CTNNA3: variants seen among roughly 807,000 people sequenced by gnomAD.
CTNNA3 encodes catenin alpha 3, also known as catenin alpha-3.
In CTNNA3, 76 loss-of-function variants were observed where a neutral mutation model predicts 95.7. The ratio of observed to expected loss-of-function variants is 0.79; its 90% CI spans 0.66 to 0.96. The LOEUF is 0.96. Among genes scored for constraint, CTNNA3 ranks in the 40% least tolerant of loss-of-function variants. CTNNA3 has a pLI of 0.00. For missense variants in CTNNA3, 1,191 were observed against 1,089.8 expected (o/e 1.09, Z -1.31); for synonymous variants, 431 against 374.4 (o/e 1.15, Z -1.74).
intron 7 of CTNNA3, among the ~76,000 whole-genome samples, chr10:66,845,703 C>CAAAAAAAAAAAAAACAAA (rs1843223437): frequency 4.2e-5 from 1 of 23,536 alleles, no homozygotes; most frequent in African/African-American, 1.0e-4. Flanking sequence ...AACTCTGTCT[C>CAAAAAAAAAAAAAACAAA]AAAAAAAAAA....
At chr10:66,926,401 G>C (rs1196611487) in intron 7 of CTNNA3, 1 of 684,838 alleles carries the variant, frequency 1.5e-6, no homozygotes, top group East Asian at 2.5e-5. Context: ...TGTTCTTGGA[G>C]TGTTCTGCGT....
At chr10:67,005,154 G>A (rs1434661135) in intron 7 of CTNNA3, among the ~76,000 whole-genome samples, 1 of 152,012 alleles carries the variant, frequency 6.6e-6, no homozygotes, top group African/African-American at 2.4e-5. Context: ...TTAAAAAGTG[G>A]TTTCTTGACA....
At chr10:67,176,633 G>T (rs1862254672) in intron 7 of CTNNA3, among the ~76,000 whole-genome samples, 6 of 152,208 alleles carry the variant, frequency 3.9e-5, no homozygotes, top group Admixed American at 3.9e-4. Flanking sequence ...ACCTGACATG[G>T]CAAGAGGGAT....
intron 10 of CTNNA3, among the ~76,000 whole-genome samples, chr10:66,578,794 T>G (rs942474045): frequency 1.3e-5 from 2 of 150,792 alleles, no homozygotes; most frequent in African/African-American, 2.4e-5. Context: ...CTTTTTTTTT[T>G]TTTGTTTGTT....
chr10:67,647,538 G>C lies in CTNNA3; in HGVS notation c.-5-20C>G, dbSNP rs1206654932. The C allele has an allele frequency of 6.3e-7, 1 of 1,590,858 alleles. No homozygotes were observed. Among genetic ancestry groups the C allele is most frequent in the Non-Finnish European group, 8.6e-7 (1 of 1,161,620 alleles). The stretch of plus-strand genomic sequence containing the variant: ...TGCTGCCTGTGCACAAACACAAAAG[G>C]ATGCTTATTAATAAAGAAAACTGTT... On this transcript the variant is annotated intron_variant, in intron 1 of 17. Transcript: ENST00000433211.
intron 7 of CTNNA3, among the ~76,000 whole-genome samples, chr10:67,113,348 A>C (rs1004560333): frequency 2.0e-5 from 3 of 152,116 alleles, no homozygotes; most frequent in African/African-American, 7.2e-5. Context: ...TCATCTTTTA[A>C]AATTTTAGTT....
chr10:66,067,228 A>G (rs1401908340), intron 15 of CTNNA3, among the ~76,000 whole-genome samples: 2 of 152,186 alleles, frequency 1.3e-5, no homozygotes, highest in African/African-American at 4.8e-5. Context: ...TCTCTGTGTA[A>G]TTGTACTAGT....
At chr10:66,937,009 C>G (rs1847744205) in intron 7 of CTNNA3, among the ~76,000 whole-genome samples, 1 of 152,120 alleles carries the variant, frequency 6.6e-6, no homozygotes, top group African/African-American at 2.4e-5. Flanking sequence ...GTATTTTTCT[C>G]AAACATGAGT....
intron 5 of CTNNA3, among the ~76,000 whole-genome samples, chr10:67,465,975 A>AGGTATGTT: frequency 6.6e-6 from 1 of 152,300 alleles, no homozygotes; most frequent in Non-Finnish European, 1.5e-5. Flanking sequence ...GAATTCCTGC[A>AGGTATGTT]GGTATGTTTT....
chr10:66,833,807 G>GT (rs1448883102), intron 7 of CTNNA3, among the ~76,000 whole-genome samples: 13 of 152,236 alleles, frequency 8.5e-5, no homozygotes, highest in Admixed American at 8.5e-4. Flanking sequence ...TCTTCCATGT[G>GT]TTTTCTCAAG....
intron 7 of CTNNA3, among the ~76,000 whole-genome samples, chr10:66,962,074 G>T (rs553963154): frequency 6.6e-6 from 1 of 152,176 alleles, no homozygotes; most frequent in East Asian, 1.9e-4. Flanking sequence ...TTGAAGTAAG[G>T]CTTCCACCTT....
In CTNNA3 at chr10:66,987,215, T is replaced by C. The variant is rs543813306; in HGVS notation, c.1047+193102A>G. Among the ~76,000 whole-genome samples, 145 of 152,224 alleles carry C rather than the reference T, an allele frequency of 9.5e-4. 1 individual carries two copies. Among genetic ancestry groups the C allele is most frequent in the African/African-American group, 3.2e-3 (133 of 41,544 alleles). ...GCAGAATATGTTGTAAGGACTTAAC[T>C]TTTTCTCTGAATGAAACGGGTGGCC... On this transcript the variant is annotated intron_variant, in intron 7 of 17. Coordinates refer to ENST00000433211, the MANE Select transcript of CTNNA3 (RefSeq NM_013266.4).
intron 7 of CTNNA3, among the ~76,000 whole-genome samples, chr10:67,053,968 A>G (rs1855273154): frequency 6.6e-6 from 1 of 152,078 alleles, no homozygotes. Flanking sequence ...TGTCATCCAT[A>G]TATCTTAGGA....
chr10:67,351,302 C>T (rs1744621051), intron 5 of CTNNA3, among the ~76,000 whole-genome samples: 1 of 151,798 alleles, frequency 6.6e-6, no homozygotes, highest in Non-Finnish European at 1.5e-5. Context: ...TTACATAACT[C>T]TACCTATTTT....
At chr10:66,893,916 T>C (rs1473685965) in intron 7 of CTNNA3, among the ~76,000 whole-genome samples, 4 of 152,166 alleles carry the variant, frequency 2.6e-5, no homozygotes, top group African/African-American at 7.2e-5. Context: ...CTCATCCTTA[T>C]GTTTTTTGTA....
intron 5 of CTNNA3, among the ~76,000 whole-genome samples, chr10:67,438,984 T>C (rs1227688375): frequency 2.0e-5 from 3 of 152,116 alleles, no homozygotes; most frequent in Admixed American, 2.0e-4. Context: ...AGGCAGTCTA[T>C]GACACAAGGA....
intron 5 of CTNNA3, among the ~76,000 whole-genome samples, chr10:67,444,445 GA>G (rs1397577767): frequency 6.6e-6 from 1 of 151,754 alleles, no homozygotes; most frequent in African/African-American, 2.4e-5. Context: ...CGAAAAAGAA[GA>G]AAAACTTCAA....
chr10:67,478,053 T>A (rs769789454), intron 5 of CTNNA3, among the ~76,000 whole-genome samples: 4 of 152,186 alleles, frequency 2.6e-5, no homozygotes, highest in Non-Finnish European at 4.4e-5. Context: ...GAAAGCTTTA[T>A]CAATTGCCAA....
intron 16 of CTNNA3, among the ~76,000 whole-genome samples, chr10:65,977,606 C>T (rs1400094891): frequency 6.6e-6 from 1 of 151,826 alleles, no homozygotes; most frequent in Non-Finnish European, 1.5e-5. Context: ...CATGGTGAAA[C>T]CTCATCTCTA....
Sources: allele counts gnomAD v4.1 joint callset (sites outside exome capture counted in the v4.1 genomes callset), GRCh38; gene constraint gnomAD v4.1.1; transcripts MANE v1.5; gene names NCBI Gene and HGNC (gene_info 2026-07-23, HGNC 2026-07-21).